Variants in ATG4C observed in about 807,000 individuals in gnomAD.
ATG4C encodes autophagy related 4C cysteine peptidase.
Under a neutral mutation model 57.6 loss-of-function variants are expected in ATG4C, and 56 were observed. That is an observed-to-expected ratio of 0.97 (90% CI 0.78 to 1.21). The LOEUF (loss-of-function observed/expected upper bound fraction) is 1.21. Ranked by LOEUF, ATG4C falls within the 50% of genes most tolerant of loss-of-function variation. ATG4C has a pLI of 0.00. For missense variants in ATG4C, 595 were observed against 529.8 expected (o/e 1.12, Z -1.21); for synonymous variants, 157 against 174.1 (o/e 0.90, Z 0.78).
intron 9 of ATG4C, among the ~76,000 whole-genome samples, chr1:62,837,894 G>A (rs767928587): frequency 2.0e-4 from 30 of 152,066 alleles, no homozygotes; most frequent in Non-Finnish European, 3.2e-4. Flanking sequence ...GGGCTTTAGC[G>A]ATCTCTCCAC....
In ATG4C at chr1:62,864,499, C is replaced by G; in HGVS notation, c.*340C>G. 1 of 187,648 alleles carries G rather than the reference C, an allele frequency of 5.3e-6. No homozygotes were observed. Among genetic ancestry groups the G allele is most frequent in the Non-Finnish European group, 1.1e-5 (1 of 92,094 alleles). The allele number at this position is 187,648 out of a possible 1,614,324, so 11.6% of individuals were successfully genotyped here. A position where few individuals can be genotyped will look rare whatever the true frequency, so the allele number is the denominator to read the frequency against. On this transcript the variant is annotated 3_prime_UTR_variant, in exon 11 of 11. Transcript: ENST00000317868. ...GAGGTTTTGTGATATTAACCCTCCC[C>G]CAAAGACTGGGATCACCAAATAGTT...
chr1:62,803,940 T>G, intron 2 of ATG4C, 78 bp downstream of exon 2: 1 of 827,960 alleles, frequency 1.2e-6, no homozygotes, highest in East Asian at 2.8e-5. Context: ...CTTAAGTCAC[T>G]GACAATTTCT....
intron 10 of ATG4C, among the ~76,000 whole-genome samples, chr1:62,858,979 A>G (rs1666768239): frequency 6.6e-6 from 1 of 152,150 alleles, no homozygotes; most frequent in Non-Finnish European, 1.5e-5. Flanking sequence ...ATACATTCTG[A>G]TAAATGTGTT....
At chr1:62,821,711 GT>G (rs1665488371) in intron 6 of ATG4C, among the ~76,000 whole-genome samples, 1 of 151,970 alleles carries the variant, frequency 6.6e-6, no homozygotes, top group Admixed American at 6.6e-5. Flanking sequence ...TATCCAAAAT[GT>G]TTGAGACCAC....
intron 3 of ATG4C, among the ~76,000 whole-genome samples, chr1:62,814,037 C>T (rs576885336): frequency 7.2e-5 from 11 of 152,224 alleles, no homozygotes; most frequent in East Asian, 3.9e-4. Flanking sequence ...GACAGTGTGG[C>T]GATTCCTCAA....
At chr1:62,863,718 C>T (rs1666921320) in intron 10 of ATG4C, among the ~76,000 whole-genome samples, 1 of 151,950 alleles carries the variant, frequency 6.6e-6, no homozygotes, top group Non-Finnish European at 1.5e-5. Context: ...CTAATGTGAC[C>T]AGAAAACTTA....
chr1:62,811,386 G>GT lies in ATG4C; in HGVS notation c.161-5184dup, dbSNP rs1042357507. 3.3e-5 allele frequency among the ~76,000 whole-genome samples: 5 copies of GT among 152,240 alleles called. No homozygotes were observed. In the East Asian group the frequency reaches 5.8e-4, roughly 18 times the overall value. On this transcript the variant is annotated intron_variant, in intron 3 of 10. Coordinates refer to ENST00000317868, the MANE Select transcript of ATG4C (RefSeq NM_032852.4). ...CAAACTTATTTCCTTGTATTATGCA[G>GT]TTTTTCCTTCTCATTATATCGTGCT...
Position 62,864,217 on chromosome 1 carries a change from GAAAC to G in ATG4C, c.*61_*64del. On this transcript the variant is annotated 3_prime_UTR_variant, in exon 11 of 11. Coordinates refer to ENST00000317868, the MANE Select transcript of ATG4C (RefSeq NM_032852.4). The stretch of plus-strand genomic sequence containing the variant: ...TCCATTGAAAGGGGAAAAATGAAGA[GAAAC>G]AAGTATATCTGAAATGTTTATTTTC... The G allele has an allele frequency of 1.5e-6, 2 of 1,362,318 alleles. No individual in the cohort carries two copies. Among genetic ancestry groups the G allele is most frequent in the Admixed American group, 5.2e-5 (2 of 38,730 alleles). 84.4% of individuals were successfully genotyped at this position (1,362,318 alleles called of 1,614,324 possible).
intron 1 of ATG4C, among the ~76,000 whole-genome samples, chr1:62,797,418 A>G (rs1047721210): frequency 6.6e-6 from 1 of 151,936 alleles, no homozygotes; most frequent in Non-Finnish European, 1.5e-5. Flanking sequence ...TAATTATGTT[A>G]TTGTTTATGA....
At chr1:62,795,145 T>G (rs1249261987) in intron 1 of ATG4C, among the ~76,000 whole-genome samples, 2 of 152,228 alleles carry the variant, frequency 1.3e-5, no homozygotes, top group African/African-American at 4.8e-5. Flanking sequence ...GTGACTGAGA[T>G]GTATTCCATA....
intron 1 of ATG4C, among the ~76,000 whole-genome samples, chr1:62,795,901 G>A (rs894544845): frequency 1.3e-5 from 2 of 151,044 alleles, no homozygotes; most frequent in African/African-American, 2.4e-5. Flanking sequence ...ATTCATAAGC[G>A]CCTTCTAAAA....
intron 10 of ATG4C, 67 bp downstream of exon 10, chr1:62,841,614 CA>C: frequency 1.6e-6 from 2 of 1,272,442 alleles, no homozygotes; most frequent in South Asian, 1.7e-5. Flanking sequence ...TGTCAGAAAG[CA>C]AAAACCTGTA....
rs1558000149 is a variant in ATG4C at position 62,864,027 on chromosome 1, AT to A, written c.1248del (p.Phe416LeufsTer4). On this transcript the variant is annotated frameshift_variant, in exon 11 of 11. Transcript: ENST00000317868. LOFTEE classifies it high-confidence loss of function. ...KFSSKEKYPLFTFVNGHSRDY... is the reference protein window; with the variant it reads ...KFSSKEKYPLXTFVNGHSRDY... ...TTTCTTCTAAGGAGAAATATCCCTT[AT>A]TTACTTTTGTAAATGGTCATTCCAG... The A allele has an allele frequency of 6.3e-7, 1 of 1,584,976 alleles. No homozygotes were observed. Among genetic ancestry groups the A allele is most frequent in the East Asian group, 2.2e-5 (1 of 44,520 alleles).
At chr1:62,840,107 G>A (rs545220724) in intron 9 of ATG4C, among the ~76,000 whole-genome samples, 4 of 152,224 alleles carry the variant, frequency 2.6e-5, no homozygotes, top group African/African-American at 9.6e-5. Context: ...TTTAGGCATT[G>A]AATGTAGGGA....
intron 9 of ATG4C, among the ~76,000 whole-genome samples, chr1:62,840,251 G>C (rs916535803): frequency 6.6e-6 from 1 of 151,998 alleles, no homozygotes; most frequent in Non-Finnish European, 1.5e-5. Flanking sequence ...AAACTTCTGG[G>C]CTCAAGCAGT....
intron 10 of ATG4C, among the ~76,000 whole-genome samples, chr1:62,847,302 T>G (rs1046058822): frequency 6.6e-6 from 1 of 152,194 alleles, no homozygotes; most frequent in African/African-American, 2.4e-5. Context: ...TCATAGTAAG[T>G]GTTCATTTTG....
In ATG4C at chr1:62,834,626, T is replaced by TG. The variant is rs1665942133; in HGVS notation, c.1013-149dup. 4.1e-5 allele frequency: 25 copies of TG among 604,704 alleles called. 1 individual carries two copies. The East Asian group carries it at 7.1e-4, about 17-fold the overall frequency. 37.5% of individuals were successfully genotyped at this position (604,704 alleles called of 1,614,324 possible). A position where few individuals can be genotyped will look rare whatever the true frequency, so the allele number is the denominator to read the frequency against. On this transcript the variant is annotated intron_variant, in intron 8 of 10. Transcript: ENST00000317868. ...TGATTATGCAAAAGTTAATCTATCC[T>TG]GTGCAAACCTATGTTTCAGTCAATG...
intron 3 of ATG4C, among the ~76,000 whole-genome samples, chr1:62,812,974 A>G (rs1472418518): frequency 1.3e-5 from 2 of 152,208 alleles, no homozygotes; most frequent in African/African-American, 4.8e-5. Context: ...ATAAAAGAGG[A>G]CACAAACAAA....
chr1:62,814,732 C>CT (rs559848583), intron 3 of ATG4C, among the ~76,000 whole-genome samples: 1 of 152,032 alleles, frequency 6.6e-6, no homozygotes, highest in Non-Finnish European at 1.5e-5. Flanking sequence ...CTGAGTCTTG[C>CT]TTTTTTATCC....
Sources: gnomAD v4.1 joint callset for allele counts (sites outside exome capture counted in the v4.1 genomes callset) on GRCh38, gnomAD v4.1.1 for gene constraint, MANE v1.5 for transcripts, NCBI Gene and HGNC (gene_info 2026-07-23, HGNC 2026-07-21) for gene names.